TRPM3: variants seen among roughly 807,000 people sequenced by gnomAD.
TRPM3 encodes the protein long transient receptor potential channel 3.
TRPM3 carries 77 observed loss-of-function variants against 181.2 expected under a neutral mutation model. The observed-to-expected ratio is 0.42, with a 90% CI of 0.35 to 0.51. The LOEUF (loss-of-function observed/expected upper bound fraction) is 0.51, where lower values mean the gene tolerates loss of function less well. Among genes scored for constraint, TRPM3 ranks in the 20% least tolerant of loss-of-function variants. TRPM3 has a pLI of 0.01. For missense variants in TRPM3, 1,759 were observed against 2,196.7 expected (o/e 0.80, Z 3.98); for synonymous variants, 745 against 796.4 (o/e 0.94, Z 1.09).
chr9:70,795,403 T>C (rs942299744), intron 6 of TRPM3, among the ~76,000 whole-genome samples: 4 of 152,264 alleles, frequency 2.6e-5, no homozygotes, highest in South Asian at 2.1e-4. Flanking sequence ...TTTGAATGTA[T>C]AAATGATTCA....
At chr9:71,015,592 G>A (rs573804122) in intron 1 of TRPM3, among the ~76,000 whole-genome samples, 2 of 152,142 alleles carry the variant, frequency 1.3e-5, no homozygotes, top group African/African-American at 2.4e-5. Context: ...GCTATACTTA[G>A]AAGACTTATT....
rs1205282531 is a variant in TRPM3, at chr9:70,843,095, C to T, written c.709G>A (p.Asp237Asn). 6.2e-7 allele frequency: 1 copy of T among 1,611,862 alleles called. No individual in the cohort carries two copies. The highest frequency in any genetic ancestry group is 1.3e-5 in the African/African-American group (1 of 74,320). The change falls in exon 5 of 26, where the codon GAT becomes AAT. Residue 237 changes from aspartate (D) to asparagine (N), a missense_variant. Asp to Asn is a conservative substitution (Grantham distance 23). Coordinates refer to ENST00000677713, the MANE Select transcript of TRPM3 (RefSeq NM_001366145.2). Reference protein sequence around the residue: ...VIRHVGDALKDHASKSRGKIC... With the variant: ...VIRHVGDALKNHASKSRGKIC... ...TTTCCTCGAGACTTAGAGGCATGAT[C>T]CTTCAAGGCATCGCCAACATGACGA...
At chr9:71,242,437 G>A (rs563745756) in intron 1 of TRPM3, among the ~76,000 whole-genome samples, 3 of 152,262 alleles carry the variant, frequency 2.0e-5, no homozygotes, top group Admixed American at 6.5e-5. Context: ...GTTTATTTAG[G>A]CTTGACTTCT....
chr9:71,035,803 C>A (rs1370177259), intron 1 of TRPM3, among the ~76,000 whole-genome samples: 3 of 151,992 alleles, frequency 2.0e-5, no homozygotes, highest in Admixed American at 2.0e-4. Context: ...GTAGTAAGGA[C>A]CTCTCAGAAA....
intron 1 of TRPM3, among the ~76,000 whole-genome samples, chr9:71,114,249 T>C (rs935207975): frequency 3.3e-5 from 5 of 152,282 alleles, no homozygotes; most frequent in African/African-American, 1.2e-4. Context: ...CATGTCCCTC[T>C]GAAAATGAAG....
At chr9:71,077,415 A>G (rs1408234525) in intron 1 of TRPM3, among the ~76,000 whole-genome samples, 3 of 152,128 alleles carry the variant, frequency 2.0e-5, no homozygotes, top group African/African-American at 2.4e-5. Flanking sequence ...ACTCATCATC[A>G]CACACTCCTC....
intron 1 of TRPM3, among the ~76,000 whole-genome samples, chr9:70,962,361 C>T (rs1045211374): frequency 6.6e-6 from 1 of 152,050 alleles, no homozygotes; most frequent in African/African-American, 2.4e-5. Context: ...GCCTGTATCA[C>T]GGGCCTGTAC....
At chr9:71,358,229 T>G (rs148961294) in intron 1 of TRPM3, among the ~76,000 whole-genome samples, 2 of 152,198 alleles carry the variant, frequency 1.3e-5, no homozygotes, top group Middle Eastern at 3.2e-3. Flanking sequence ...ATAATCATTC[T>G]CAACAGCATC....
chr9:70,810,549 T>C (rs1470997351), intron 6 of TRPM3, among the ~76,000 whole-genome samples: 6 of 152,254 alleles, frequency 3.9e-5, no homozygotes, highest in Admixed American at 3.9e-4. Flanking sequence ...TCCCAAAGTT[T>C]TGCTTGATGA....
intron 1 of TRPM3, among the ~76,000 whole-genome samples, chr9:71,302,017 A>G (rs1283970114): frequency 6.6e-6 from 1 of 152,130 alleles, no homozygotes; most frequent in Non-Finnish European, 1.5e-5. Context: ...TTTACTCTGA[A>G]CCATTACAGG....
intron 1 of TRPM3, among the ~76,000 whole-genome samples, chr9:71,134,280 T>G (rs2074613507): frequency 1.3e-5 from 2 of 152,052 alleles, no homozygotes; most frequent in Admixed American, 1.3e-4. Flanking sequence ...TAAAAGATTT[T>G]TCAGCCAGGC....
intron 1 of TRPM3, among the ~76,000 whole-genome samples, chr9:70,872,353 C>T (rs2095803048): frequency 6.6e-6 from 1 of 151,868 alleles, no homozygotes; most frequent in Non-Finnish European, 1.5e-5. Context: ...AATAGACAGG[C>T]TTTCATGGCA....
chr9:71,386,160 G>C lies in TRPM3; in HGVS notation c.183+60493C>G, dbSNP rs529736695. On this transcript the variant is annotated intron_variant, in intron 1 of 24. Transcript: ENST00000357533. The stretch of plus-strand genomic sequence containing the variant: ...AAGTGGTGGGCTGTTCCTTAAAACA[G>C]TGAATACAAGCCAAGCGTGGTGGCT... 1.1e-4 allele frequency among the ~76,000 whole-genome samples: 16 copies of C among 152,080 alleles called. No individual in the cohort carries two copies. The South Asian group carries it at 2.9e-3, about 28-fold the overall frequency.
intron 1 of TRPM3, among the ~76,000 whole-genome samples, chr9:71,014,127 A>G (rs535662174): frequency 6.6e-6 from 1 of 152,104 alleles, no homozygotes; most frequent in South Asian, 2.1e-4. Flanking sequence ...TGTTTTTAAC[A>G]TCATTATTTT....
chr9:71,229,962 A>C (rs552261374), intron 1 of TRPM3, among the ~76,000 whole-genome samples: 9 of 152,182 alleles, frequency 5.9e-5, no homozygotes, highest in Middle Eastern at 3.4e-3. Context: ...GAAATAAAAG[A>C]GATAGCTGCA....
chr9:70,600,583 C>T (rs2059723066), intron 20 of TRPM3, among the ~76,000 whole-genome samples: 1 of 152,138 alleles, frequency 6.6e-6, no homozygotes, highest in Admixed American at 6.5e-5. Flanking sequence ...ATGCTGGGCC[C>T]TCAGTCTGGA....
At chr9:71,430,176 T>C (rs2093933953) in intron 1 of TRPM3, among the ~76,000 whole-genome samples, 1 of 152,208 alleles carries the variant, frequency 6.6e-6, no homozygotes, top group African/African-American at 2.4e-5. Context: ...TGGAACTTGA[T>C]AAAATGAAAA....
rs112287274 is a variant in TRPM3 at position 70,692,880 on chromosome 9, G to A, written c.1273-11302C>T. Among the ~76,000 whole-genome samples the A allele has an allele frequency of 1.1e-3, 171 of 152,286 alleles. 2 individuals are homozygous for A. The highest frequency in any genetic ancestry group is 3.9e-3 in the African/African-American group (163 of 41,558). The stretch of plus-strand genomic sequence containing the variant: ...AACATGAGGTTTGGGGTTTTTTAAA[G>A]CACATATGACATATCACAGTGAGAA... On this transcript the variant is annotated intron_variant, in intron 8 of 25. Coordinates refer to ENST00000677713, the MANE Select transcript of TRPM3 (RefSeq NM_001366145.2).
At chr9:70,841,365 T>A (rs1209339671) in intron 5 of TRPM3, among the ~76,000 whole-genome samples, 1 of 151,940 alleles carries the variant, frequency 6.6e-6, no homozygotes, top group South Asian at 2.1e-4. Context: ...AAAACTGACA[T>A]CTCATTCCTT....
Sources: gnomAD v4.1 joint callset for allele counts (sites outside exome capture counted in the v4.1 genomes callset) on GRCh38, gnomAD v4.1.1 for gene constraint, MANE v1.5 for transcripts, NCBI Gene and HGNC (gene_info 2026-07-23, HGNC 2026-07-21) for gene names.